KCNB2: variants seen among roughly 807,000 people sequenced by gnomAD.
KCNB2 encodes potassium voltage-gated channel subfamily B member 2, also known as delayed rectifier potassium channel protein.
A neutral mutation model predicts 61.5 loss-of-function variants in KCNB2; 15 were observed. The ratio of observed to expected loss-of-function variants is 0.24; its 90% CI spans 0.16 to 0.38. The LOEUF (loss-of-function observed/expected upper bound fraction) is 0.38. Ranked by LOEUF, KCNB2 falls within the 10% of genes least tolerant of loss-of-function variation. The pLI is 1.00. For synonymous variants in KCNB2, 457 were observed against 446.0 expected, an observed-to-expected ratio of 1.02 and a Z score of -0.31; for missense variants, 828 against 1,125.2, an observed-to-expected ratio of 0.74 and a Z score of 3.78.
chr8:72,576,668 A>G (rs1806798625), intron 2 of KCNB2, among the ~76,000 whole-genome samples: 1 of 152,210 alleles, frequency 6.6e-6, no homozygotes, highest in African/African-American at 2.4e-5. Context: ...GTATGTGGGC[A>G]CTAGAGGCAA....
intron 2 of KCNB2, among the ~76,000 whole-genome samples, chr8:72,747,572 ATC>A (rs1808098477): frequency 6.6e-6 from 1 of 152,164 alleles, no homozygotes; most frequent in Non-Finnish European, 1.5e-5. Context: ...GGGTTCTTGG[ATC>A]TCTCACAAGA....
intron 2 of KCNB2, among the ~76,000 whole-genome samples, chr8:72,915,720 C>G (rs1012157129): frequency 6.6e-6 from 1 of 152,016 alleles, no homozygotes. Flanking sequence ...GAGATCAATA[C>G]CATCCTGGCT....
chr8:72,797,284 A>G (rs138215384), intron 2 of KCNB2, among the ~76,000 whole-genome samples: 13 of 152,372 alleles, frequency 8.5e-5, no homozygotes, highest in African/African-American at 3.1e-4. Flanking sequence ...AGACTTCTGG[A>G]AACGTACTAT....
At chr8:72,641,428 G>T (rs2128985723) in intron 2 of KCNB2, among the ~76,000 whole-genome samples, 1 of 152,170 alleles carries the variant, frequency 6.6e-6, no homozygotes, top group Admixed American at 6.6e-5. Flanking sequence ...TTAGGCAAAA[G>T]AAATGGGCCT....
chr8:72,545,936 C>T (rs1056546377), intron 1 of KCNB2, among the ~76,000 whole-genome samples: 1 of 152,144 alleles, frequency 6.6e-6, no homozygotes, highest in Non-Finnish European at 1.5e-5. Context: ...AAATTAGTCA[C>T]AACATTCCCT....
intron 2 of KCNB2, among the ~76,000 whole-genome samples, chr8:72,744,721 G>A (rs1317553986): frequency 1.3e-5 from 2 of 152,070 alleles, no homozygotes; most frequent in Non-Finnish European, 2.9e-5. Flanking sequence ...GCTTAGGGCC[G>A]AGCATCCCAG....
At chr8:72,717,495 C>G (rs957891434) in intron 2 of KCNB2, among the ~76,000 whole-genome samples, 3 of 152,116 alleles carry the variant, frequency 2.0e-5, no homozygotes, top group African/African-American at 7.2e-5. Context: ...ACAGAGCCCT[C>G]CAAAATAATG....
chr8:72,646,459 C>T (rs1806130188), intron 2 of KCNB2, among the ~76,000 whole-genome samples: 1 of 152,066 alleles, frequency 6.6e-6, no homozygotes, highest in Admixed American at 6.6e-5. Flanking sequence ...TCTTTGGTTG[C>T]ATGATGAAAG....
At chr8:72,560,864 T>A (rs1806500279) in intron 1 of KCNB2, among the ~76,000 whole-genome samples, 2 of 152,138 alleles carry the variant, frequency 1.3e-5, no homozygotes, top group Non-Finnish European at 2.9e-5. Context: ...TAAAGACAAA[T>A]CTGGTGTTTT....
chr8:72,648,464 T>A (rs553366561), intron 2 of KCNB2, among the ~76,000 whole-genome samples: 1 of 152,000 alleles, frequency 6.6e-6, no homozygotes. Flanking sequence ...TTTTAGTAGA[T>A]ACAGGGTCTA....
chr8:72,678,296 G>A (rs1585824656), intron 2 of KCNB2, among the ~76,000 whole-genome samples: 1 of 152,220 alleles, frequency 6.6e-6, no homozygotes, highest in East Asian at 1.9e-4. Flanking sequence ...AGCTGCCTGG[G>A]AGATCCTTTT....
Position 72,819,366 on chromosome 8 carries a change from C to G in KCNB2, c.580-116569C>G, listed in dbSNP as rs1563394338. Among the ~76,000 whole-genome samples, 4 of 152,100 alleles carry G rather than the reference C, an allele frequency of 2.6e-5. No homozygotes were observed. In the South Asian group the frequency reaches 6.2e-4, roughly 24 times the overall value. On this transcript the variant is annotated intron_variant, in intron 2 of 2. Coordinates refer to ENST00000523207, the MANE Select transcript of KCNB2 (RefSeq NM_004770.3). ...GTGATCCCCATTCACCTCAGCACCCCCTTAGAAATATTCAGCCAATCCCAA... is the reference window on the plus strand; with the variant it reads ...GTGATCCCCATTCACCTCAGCACCCGCTTAGAAATATTCAGCCAATCCCAA...
chr8:72,917,558 C>T (rs774576830), intron 2 of KCNB2, among the ~76,000 whole-genome samples: 8 of 152,216 alleles, frequency 5.3e-5, no homozygotes, highest in Non-Finnish European at 1.2e-4. Context: ...TTGTATGTGA[C>T]ATGACATAGT....
At chr8:72,856,611 A>G (rs1810212137) in intron 2 of KCNB2, among the ~76,000 whole-genome samples, 1 of 152,332 alleles carries the variant, frequency 6.6e-6, no homozygotes, top group Non-Finnish European at 1.5e-5. Context: ...TAGATAGTTT[A>G]AGTATTGTAT....
chr8:72,557,487 T>C (rs1806447447), intron 1 of KCNB2, among the ~76,000 whole-genome samples: 1 of 152,184 alleles, frequency 6.6e-6, no homozygotes, highest in Admixed American at 6.5e-5. Context: ...TCCTAGGACA[T>C]GAAATATCTT....
At chr8:72,913,799 G>A (rs940762389) in intron 2 of KCNB2, among the ~76,000 whole-genome samples, 4 of 152,160 alleles carry the variant, frequency 2.6e-5, no homozygotes, top group Non-Finnish European at 5.9e-5. Flanking sequence ...TGTTACTTTG[G>A]TTCTCCAGAT....
chr8:72,559,252 C>A (rs1806474440), intron 1 of KCNB2, among the ~76,000 whole-genome samples: 2 of 152,040 alleles, frequency 1.3e-5, no homozygotes, highest in Admixed American at 6.6e-5. Flanking sequence ...TCAAGTGATT[C>A]TCCTGCCTCA....
At chr8:72,885,820 G>C (rs960559722) in intron 2 of KCNB2, among the ~76,000 whole-genome samples, 11 of 151,900 alleles carry the variant, frequency 7.2e-5, no homozygotes, top group African/African-American at 2.7e-4. Flanking sequence ...TAGCATGTAG[G>C]GCTATTTCTA....
intron 2 of KCNB2, among the ~76,000 whole-genome samples, chr8:72,907,377 A>G (rs1276307452): frequency 2.0e-5 from 3 of 152,054 alleles, no homozygotes; most frequent in Admixed American, 2.0e-4. Flanking sequence ...AACAAAAACA[A>G]AAACAAAAAA....
Sources: allele counts gnomAD v4.1 joint callset (sites outside exome capture counted in the v4.1 genomes callset), GRCh38; gene constraint gnomAD v4.1.1; transcripts MANE v1.5; gene names NCBI Gene and HGNC (gene_info 2026-07-23, HGNC 2026-07-21).